The following IGFL2 variants were observed in gnomAD, a reference collection of about 807,000 sequenced individuals.
The protein encoded by IGFL2 is IGF like family member 2.
A neutral mutation model predicts 13.9 loss-of-function variants in IGFL2; 7 were observed. The ratio of observed to expected loss-of-function variants is 0.51; its 90% CI spans 0.29 to 0.95. The LOEUF (loss-of-function observed/expected upper bound fraction) is 0.95, where lower values mean the gene tolerates loss of function less well. IGFL2 is among the 40% of genes least tolerant of loss of function. The pLI, the probability that IGFL2 is intolerant of heterozygous loss-of-function variation, is 0.08. For synonymous variants in IGFL2, 55 were observed against 55.8 expected (o/e 0.99, Z 0.07); for missense variants, 138 against 147.8 (o/e 0.93, Z 0.34).
chr19:46,118,065 G>T, the IGFL2 span, among the ~76,000 whole-genome samples: 1 of 152,194 alleles, frequency 6.6e-6, no homozygotes, highest in East Asian at 1.9e-4. Context: ...ACAGCCCTAG[G>T]GTGGGCATCC....
At chr19:46,153,991 C>T (rs978629119) in intron 1 of IGFL2, among the ~76,000 whole-genome samples, 1 of 151,980 alleles carries the variant, frequency 6.6e-6, no homozygotes, top group Non-Finnish European at 1.5e-5. Context: ...TCCCTTTTCC[C>T]CCAAGACCCT....
the IGFL2 span, chr19:46,214,112 C>G: frequency 6.6e-6 from 1 of 152,526 alleles, no homozygotes; most frequent in African/African-American, 2.4e-5. Flanking sequence ...GGTCCAGATC[C>G]TCCACCTTCC....
At chr19:46,193,272 G>A in the IGFL2 span, among the ~76,000 whole-genome samples, 1 of 152,106 alleles carries the variant, frequency 6.6e-6, no homozygotes. Flanking sequence ...ATTGTGAAAT[G>A]CCGTGTCGTC....
chr19:46,123,763 C>T, the IGFL2 span: 11 of 1,135,424 alleles, frequency 9.7e-6, no homozygotes, highest in South Asian at 1.3e-4. Flanking sequence ...TTGCTTTCCC[C>T]TGCTGCCACC....
chr19:46,174,623 G>A, the IGFL2 span, among the ~76,000 whole-genome samples: 1 of 152,164 alleles, frequency 6.6e-6, no homozygotes, highest in Non-Finnish European at 1.5e-5. Context: ...TATGAGGAGT[G>A]GGTAGGGCAA....
intron 1 of IGFL2, among the ~76,000 whole-genome samples, chr19:46,149,581 C>A (rs1363524539): frequency 1.3e-5 from 2 of 151,924 alleles, no homozygotes; most frequent in Non-Finnish European, 2.9e-5. Context: ...CTTTCTGTCT[C>A]TATGGATTTA....
intron 1 of IGFL2, chr19:46,149,161 T>TTC (rs955695983): frequency 2.8e-5 from 18 of 645,668 alleles, no homozygotes; most frequent in South Asian, 6.9e-5. Context: ...CCTCTCTCTC[T>TTC]TCTCTCTCTC....
At chr19:46,154,548 A>G (rs970532071) in intron 1 of IGFL2, among the ~76,000 whole-genome samples, 2 of 151,996 alleles carry the variant, frequency 1.3e-5, no homozygotes, top group Non-Finnish European at 2.9e-5. Flanking sequence ...GGTTCACGCC[A>G]TTCTCCTGCC....
chr19:46,172,736 C>T, the IGFL2 span, among the ~76,000 whole-genome samples: 12 of 151,864 alleles, frequency 7.9e-5, no homozygotes, highest in African/African-American at 1.5e-4. Context: ...TATTTTTTTT[C>T]AGACAAGGTC....
the IGFL2 span, among the ~76,000 whole-genome samples, chr19:46,176,009 A>G: frequency 1.4e-5 from 1 of 71,894 alleles, no homozygotes; most frequent in African/African-American, 6.2e-5. Flanking sequence ...CGCCCGACTA[A>G]TTTTTTTTTT....
the IGFL2 span, chr19:46,208,751 A>G: frequency 1.3e-5 from 2 of 152,172 alleles, no homozygotes; most frequent in African/African-American, 4.8e-5. Context: ...TCCTGCCACC[A>G]TGGAAGGCGT....
At chr19:46,193,440 T>C in the IGFL2 span, among the ~76,000 whole-genome samples, 1 of 152,152 alleles carries the variant, frequency 6.6e-6, no homozygotes, top group Non-Finnish European at 1.5e-5. Context: ...GCTTTCTTTA[T>C]CGTAAAATAA....
At chr19:46,194,853 T>TATATATATATATATATA in the IGFL2 span, among the ~76,000 whole-genome samples, 1 of 14,136 alleles carries the variant, frequency 7.1e-5, no homozygotes, top group African/African-American at 1.9e-4. Context: ...TATATATATA[T>TATATATATATATATATA]TTTTTTTTTT....
the IGFL2 span, among the ~76,000 whole-genome samples, chr19:46,085,294 T>G: frequency 6.6e-6 from 1 of 152,148 alleles, no homozygotes; most frequent in Non-Finnish European, 1.5e-5. Flanking sequence ...AGCTCCAAAA[T>G]AGTCTCTCTT....
the IGFL2 span, chr19:46,137,343 C>T: frequency 6.1e-5 from 68 of 1,114,586 alleles, no homozygotes; most frequent in Admixed American, 8.3e-4. Context: ...TTGTGGCGGG[C>T]GTTGATGAAC....
chr19:46,143,402 CTTT>C (rs528215005), upstream of IGFL2, among the ~76,000 whole-genome samples: 8 of 139,264 alleles, frequency 5.7e-5, no homozygotes, highest in Admixed American at 7.2e-5. Context: ...TCTTCTTCTT[CTTT>C]TTTTTTTTTT....
chr19:46,094,761 C>G, the IGFL2 span, among the ~76,000 whole-genome samples: 1 of 152,082 alleles, frequency 6.6e-6, no homozygotes, highest in Non-Finnish European at 1.5e-5. Flanking sequence ...CTCTCACTTA[C>G]AAGTGAGAAC....
chr19:46,137,323 T>C, the IGFL2 span: 1 of 1,077,318 alleles, frequency 9.3e-7, no homozygotes, highest in Non-Finnish European at 1.4e-6. Context: ...GGCTCATTTA[T>C]CTGAGAAGCT....
downstream of IGFL2, among the ~76,000 whole-genome samples, chr19:46,162,107 G>T (rs1974198521): frequency 6.6e-6 from 1 of 152,172 alleles, no homozygotes; most frequent in Admixed American, 6.5e-5. Context: ...CTTTTTCTTT[G>T]AGAATGTTGA....
Sources: gnomAD v4.1 joint callset for allele counts (sites outside exome capture counted in the v4.1 genomes callset) on GRCh38, gnomAD v4.1.1 for gene constraint, MANE v1.5 for transcripts, NCBI Gene and HGNC (gene_info 2026-07-23, HGNC 2026-07-21) for gene names.